CADM2: variants seen among roughly 807,000 people sequenced by gnomAD.
CADM2 encodes immunoglobulin superfamily member 4D.
In CADM2, 12 loss-of-function variants were observed where a neutral mutation model predicts 49.8. That is an observed-to-expected ratio of 0.24 (90% CI 0.15 to 0.39). The LOEUF (loss-of-function observed/expected upper bound fraction) is 0.39, where lower values mean the gene tolerates loss of function less well. Ranked by LOEUF, CADM2 falls within the 10% of genes least tolerant of loss-of-function variation. The pLI, the probability that CADM2 is intolerant of heterozygous loss-of-function variation, is 1.00. For missense variants in CADM2, 378 were observed against 492.3 expected, an observed-to-expected ratio of 0.77 and a Z score of 2.20; for synonymous variants, 214 against 175.4, an observed-to-expected ratio of 1.22 and a Z score of -1.74.
At chr3:85,317,495 A>G (rs1321904440) in intron 1 of CADM2, among the ~76,000 whole-genome samples, 1 of 152,166 alleles carries the variant, frequency 6.6e-6, no homozygotes, top group Non-Finnish European at 1.5e-5. Context: ...TATAAGGAAA[A>G]AAAATTATTT....
chr3:85,901,606 C>T (rs983055867), intron 5 of CADM2, among the ~76,000 whole-genome samples: 1 of 152,124 alleles, frequency 6.6e-6, no homozygotes, highest in African/African-American at 2.4e-5. Context: ...AAATTGAAGC[C>T]AAACCTGGGG....
intron 6 of CADM2, among the ~76,000 whole-genome samples, chr3:85,926,179 G>A (rs534580479): frequency 2.0e-4 from 25 of 123,934 alleles, no homozygotes; most frequent in African/African-American, 5.7e-4. Flanking sequence ...TAAATAAATA[G>A]AAAATAGATA....
chr3:85,932,536 T>G lies in CADM2; in HGVS notation c.701-3231T>G, dbSNP rs1720728478. On this transcript the variant is annotated intron_variant, in intron 6 of 9. Coordinates refer to ENST00000383699, the MANE Select transcript of CADM2 (RefSeq NM_001167675.2). ...CCCATTCACCCTGATCTTAAACATG[T>G]AAAGGCTACATAGAAAAATACCACC... is the stretch of plus-strand genomic sequence containing the variant. 2.0e-5 allele frequency among the ~76,000 whole-genome samples: 3 copies of G among 152,066 alleles called. No individual in the cohort carries two copies. In the South Asian group the frequency reaches 6.2e-4, roughly 31 times the overall value.
At chr3:85,991,001 A>G (rs76634688) in intron 8 of CADM2, among the ~76,000 whole-genome samples, 6,050 of 152,266 alleles carry the variant, frequency 0.04, 385 homozygotes, top group African/African-American at 0.14. Flanking sequence ...TCCTCCCTTT[A>G]ACAGGAGAAA....
At chr3:85,894,060 C>T (rs13085427) in intron 5 of CADM2, among the ~76,000 whole-genome samples, 48,151 of 151,856 alleles carry the variant, frequency 0.32, 8,704 homozygotes, top group East Asian at 0.42. Context: ...ATGTTTATTG[C>T]GGCACTATTC....
At chr3:85,881,239 G>A (rs755897570) in intron 3 of CADM2, among the ~76,000 whole-genome samples, 7 of 151,630 alleles carry the variant, frequency 4.6e-5, no homozygotes, top group Non-Finnish European at 8.8e-5. Context: ...TTTCTGTAAC[G>A]TCCATTTTTA....
chr3:85,534,248 C>T (rs2061379985), intron 1 of CADM2, among the ~76,000 whole-genome samples: 2 of 152,116 alleles, frequency 1.3e-5, no homozygotes, highest in Admixed American at 1.3e-4. Flanking sequence ...TTATTGCTGT[C>T]ATATGAAACC....
chr3:85,043,679 AAAATAAAT>A (rs1021118920), intron 1 of CADM2, among the ~76,000 whole-genome samples: 1 of 152,018 alleles, frequency 6.6e-6, no homozygotes, highest in Non-Finnish European at 1.5e-5. Flanking sequence ...AGCTTGTCTC[AAAATAAAT>A]AAATAAATAA....
chr3:85,301,606 G>A (rs2044102410), intron 1 of CADM2, among the ~76,000 whole-genome samples: 1 of 151,988 alleles, frequency 6.6e-6, no homozygotes, highest in African/African-American at 2.4e-5. Flanking sequence ...GTGGGGGGCT[G>A]ACTTCACATG....
chr3:85,411,854 T>C (rs2035671204), intron 1 of CADM2, among the ~76,000 whole-genome samples: 1 of 152,156 alleles, frequency 6.6e-6, no homozygotes, highest in South Asian at 2.1e-4. Flanking sequence ...TTTTATTTTT[T>C]TGAGATGGGG....
chr3:85,396,954 A>G (rs2034821945), intron 1 of CADM2, among the ~76,000 whole-genome samples: 1 of 152,076 alleles, frequency 6.6e-6, no homozygotes, highest in Non-Finnish European at 1.5e-5. Context: ...ACTTAACTAT[A>G]AGCAGAATGA....
intron 1 of CADM2, among the ~76,000 whole-genome samples, chr3:85,700,433 A>G (rs1223427376): frequency 6.6e-6 from 1 of 152,188 alleles, no homozygotes; most frequent in Non-Finnish European, 1.5e-5. Flanking sequence ...GTGTATGCCT[A>G]TGTAACAAAA....
chr3:86,033,335 AG>A (rs2107168917), intron 8 of CADM2, among the ~76,000 whole-genome samples: 1 of 152,116 alleles, frequency 6.6e-6, no homozygotes, highest in South Asian at 2.1e-4. Flanking sequence ...TAGGTTAAAA[AG>A]TCCTGTTGTA....
intron 1 of CADM2, among the ~76,000 whole-genome samples, chr3:85,441,775 G>A (rs971165902): frequency 6.6e-6 from 1 of 152,092 alleles, no homozygotes; most frequent in Admixed American, 6.6e-5. Context: ...CTTGAATAGA[G>A]TGGGAGGTTA....
At chr3:85,843,405 T>C (rs1177747323) in intron 3 of CADM2, among the ~76,000 whole-genome samples, 1 of 151,074 alleles carries the variant, frequency 6.6e-6, no homozygotes, top group East Asian at 2.0e-4. Flanking sequence ...CAACCTTTTC[T>C]TTCTCTCTTT....
intron 1 of CADM2, among the ~76,000 whole-genome samples, chr3:85,228,985 G>C (rs80354540): frequency 2.0e-5 from 3 of 152,112 alleles, no homozygotes; most frequent in Non-Finnish European, 2.9e-5. Context: ...ACCTGACTGG[G>C]TCTGCTGCCT....
chr3:86,044,452 A>G (rs1208972835), intron 8 of CADM2, among the ~76,000 whole-genome samples: 3 of 152,250 alleles, frequency 2.0e-5, no homozygotes, highest in African/African-American at 4.8e-5. Context: ...CAAAAGACAC[A>G]TGAAAAAATG....
intron 2 of CADM2, among the ~76,000 whole-genome samples, chr3:85,765,655 C>T (rs1168416556): frequency 6.6e-6 from 1 of 151,808 alleles, no homozygotes; most frequent in African/African-American, 2.4e-5. Flanking sequence ...TTTTAATTTC[C>T]TTGCATTTCT....
At chr3:85,960,789 C>G (rs1459598983) in intron 7 of CADM2, among the ~76,000 whole-genome samples, 2 of 151,738 alleles carry the variant, frequency 1.3e-5, no homozygotes, top group South Asian at 4.1e-4. Flanking sequence ...CAGTAAAAAC[C>G]TCTAAAAGAA....
Sources: allele counts gnomAD v4.1 joint callset (sites outside exome capture counted in the v4.1 genomes callset), GRCh38; gene constraint gnomAD v4.1.1; transcripts MANE v1.5; gene names NCBI Gene and HGNC (gene_info 2026-07-23, HGNC 2026-07-21).